POLH: variants seen among roughly 807,000 people sequenced by gnomAD.
The protein encoded by POLH is DNA polymerase eta.
POLH carries 53 observed loss-of-function variants against 73.6 expected under a neutral mutation model. That is an observed-to-expected ratio of 0.72 (90% CI 0.58 to 0.91). The LOEUF is 0.91. Among genes scored for constraint, POLH ranks in the 40% least tolerant of loss-of-function variants. The pLI is 0.00. For missense variants in POLH, 768 were observed against 865.4 expected (o/e 0.89, Z 1.41); for synonymous variants, 292 against 308.5 (o/e 0.95, Z 0.56).
rs1467145715 is a variant in POLH at position 43,617,409 on chromosome 6, T to G, written c.*2852T>G. Among the ~76,000 whole-genome samples the G allele has an allele frequency of 6.6e-6, 1 of 151,190 alleles. No individual in the cohort carries two copies. The highest frequency in any genetic ancestry group is 2.4e-5 in the African/African-American group (1 of 41,014). On this transcript the variant is annotated 3_prime_UTR_variant, in exon 11 of 11. Coordinates refer to ENST00000372236, the MANE Select transcript of POLH (RefSeq NM_006502.3). ...GGGAGGCCAAGGTGGGCGGATCACT[T>G]GAGGCTGGGAGTTTGAGACCAGGCT...
chr6:43,604,150 C>T lies in POLH; in HGVS notation c.884+139C>T. On this transcript the variant is annotated intron_variant, in intron 7 of 10. Transcript: ENST00000372236. ...GAGATTATTTCACTGGTTCTTCTTG[C>T]TTCAATATCTTGGGTCACTATGGCC... The T allele has an allele frequency of 5.2e-6, 4 of 772,338 alleles. No individual in the cohort carries two copies. The South Asian group carries it at 6.2e-5, about 12-fold the overall frequency. 47.8% of individuals were successfully genotyped at this position (772,338 alleles called of 1,614,324 possible). A position where few individuals can be genotyped will look rare whatever the true frequency, so the allele number is the denominator to read the frequency against.
intron 9 of POLH, among the ~76,000 whole-genome samples, chr6:43,609,107 G>C (rs1474578278): frequency 6.6e-6 from 1 of 151,942 alleles, no homozygotes; most frequent in Non-Finnish European, 1.5e-5. Context: ...TCTCCAGGAG[G>C]TCCTCCCTAG....
In POLH at chr6:43,617,455, A is replaced by C. The variant is rs1768422526; in HGVS notation, c.*2898A>C. 6.6e-6 allele frequency among the ~76,000 whole-genome samples: 1 copy of C among 151,350 alleles called. No homozygotes were observed. Among genetic ancestry groups the C allele is most frequent in the Non-Finnish European group, 1.5e-5 (1 of 67,876 alleles). The stretch of plus-strand genomic sequence containing the variant: ...AGGCTGGCCAACATGGGGAAAACCC[A>C]TCTCTACAAAAAATAACAAAAATTA... On this transcript the variant is annotated 3_prime_UTR_variant, in exon 11 of 11. Coordinates refer to ENST00000372236, the MANE Select transcript of POLH (RefSeq NM_006502.3).
intron 5 of POLH, among the ~76,000 whole-genome samples, chr6:43,598,719 AT>A (rs1305280971): frequency 1.3e-5 from 2 of 152,108 alleles, no homozygotes; most frequent in African/African-American, 4.8e-5. Context: ...TATAGGTGTT[AT>A]AAGAAATTAG....
At chr6:43,582,176 T>A (rs1229008189) in intron 1 of POLH, 140 bp from the exon 2 acceptor site, 6 of 805,986 alleles carry the variant, frequency 7.4e-6, no homozygotes, top group Non-Finnish European at 1.3e-5. Flanking sequence ...AACCTGTATA[T>A]TTAAATGCCT....
chr6:43,603,498 G>A (rs1411022927), intron 6 of POLH, among the ~76,000 whole-genome samples: 1 of 151,850 alleles, frequency 6.6e-6, no homozygotes, highest in Non-Finnish European at 1.5e-5. Flanking sequence ...CTGGACTCAA[G>A]CAATCTTCCC....
At chr6:43,587,956 C>G (rs1765009142) in intron 4 of POLH, among the ~76,000 whole-genome samples, 1 of 152,062 alleles carries the variant, frequency 6.6e-6, no homozygotes, top group Non-Finnish European at 1.5e-5. Flanking sequence ...GAACCAGGAC[C>G]CAGGAGGTGG....
chr6:43,604,051 A>C lies in POLH; in HGVS notation c.884+40A>C, dbSNP rs181530870. On this transcript the variant is annotated intron_variant, in intron 7 of 10. Transcript: ENST00000372236. ...TTTTTTAAAATCATAACCTTTATGG[A>C]GATGCTATATTCAAATATAGACAAA... The C allele has an allele frequency of 3.1e-4, 472 of 1,523,992 alleles. No homozygotes were observed. The African/African-American group carries it at 5.4e-3, about 17-fold the overall frequency. 94.4% of individuals were successfully genotyped at this position (1,523,992 alleles called of 1,614,324 possible). A position where few individuals can be genotyped will look rare whatever the true frequency, so the allele number is the denominator to read the frequency against.
chr6:43,613,584 T>C, intron 10 of POLH, 76 bp from the exon 11 acceptor site: 1 of 1,173,706 alleles, frequency 8.5e-7, no homozygotes, highest in East Asian at 2.3e-5. Context: ...ACAGATACAA[T>C]TCATGGAATT....
In POLH at chr6:43,604,624, A is replaced by G. The variant is rs576599152; in HGVS notation, c.894A>G (p.Leu298=). 9.9e-6 allele frequency: 16 copies of G among 1,613,970 alleles called. No homozygotes were observed. Among genetic ancestry groups the G allele is most frequent in the African/African-American group, 1.3e-5 (1 of 74,946 alleles). ...TTGCTGGTCTTATTAGGTCTTGGCT[A>G]TATGCCATGTGCCGAGGGATTGAAC... ...SHFGEKNGSW[L]YAMCRGIEHD... The change falls in exon 8 of 11, where the codon CTA becomes CTG. Residue 298 remains leucine, a synonymous_variant. Coordinates refer to ENST00000372236, the MANE Select transcript of POLH (RefSeq NM_006502.3).
rs559583064 is a variant in POLH, at chr6:43,604,649, C to G, written c.919C>G (p.His307Asp). 6.2e-6 allele frequency: 10 copies of G among 1,614,012 alleles called. No homozygotes were observed. The East Asian group carries it at 2.0e-4, about 32-fold the overall frequency. ...WLYAMCRGIEHDPVKPRQLPK... is the reference protein window; with the variant it reads ...WLYAMCRGIEDDPVKPRQLPK... ...ATATGCCATGTGCCGAGGGATTGAA[C>G]ATGATCCAGTTAAACCCAGGCAACT... Residue 307 changes from histidine (H) to aspartate (D), a missense_variant, in exon 8 of 11, where the codon CAT (histidine) becomes GAT (aspartate). Physicochemically the swap from His to Asp is moderately conservative, Grantham distance 81. Coordinates refer to ENST00000372236, the MANE Select transcript of POLH (RefSeq NM_006502.3).
intron 6 of POLH, among the ~76,000 whole-genome samples, chr6:43,601,410 C>G (rs913108433): frequency 6.6e-6 from 1 of 152,070 alleles, no homozygotes; most frequent in Non-Finnish European, 1.5e-5. Flanking sequence ...GAATTACAGG[C>G]GCCCACCACC....
Position 43,619,077 on chromosome 6 carries a change from T to C in POLH, c.*4520T>C, listed in dbSNP as rs1352708511. On this transcript the variant is annotated 3_prime_UTR_variant, in exon 11 of 11. Coordinates refer to ENST00000372236, the MANE Select transcript of POLH (RefSeq NM_006502.3). ...TCTGCTTTTATGATACTTGAATATC[T>C]AATAAAAGACAATATTTAGCCAGTC... Among the ~76,000 whole-genome samples the C allele has an allele frequency of 6.6e-6, 1 of 152,144 alleles. No homozygotes were observed. The highest frequency in any genetic ancestry group is 1.5e-5 in the Non-Finnish European group (1 of 68,026).
At chr6:43,592,235 T>G (rs1582287427) in intron 4 of POLH, among the ~76,000 whole-genome samples, 2 of 152,292 alleles carry the variant, frequency 1.3e-5, no homozygotes, top group South Asian at 4.1e-4. Context: ...TAAGTGGATA[T>G]AACCTTCCAG....
chr6:43,579,153 CAG>C (rs138211006), intron 1 of POLH, among the ~76,000 whole-genome samples: 5,462 of 152,314 alleles, frequency 0.036, 344 homozygotes, highest in African/African-American at 0.12. Context: ...CCTCAGAAAA[CAG>C]AATCTCTCTC....
intron 9 of POLH, among the ~76,000 whole-genome samples, chr6:43,609,397 T>G (rs1001525096): frequency 1.3e-5 from 2 of 152,230 alleles, no homozygotes; most frequent in Non-Finnish European, 2.9e-5. Context: ...CATACAAATG[T>G]ATTTTTTATC....
chr6:43,597,382 T>G (rs932066792), intron 4 of POLH, among the ~76,000 whole-genome samples: 3 of 152,236 alleles, frequency 2.0e-5, no homozygotes, highest in African/African-American at 7.2e-5. Context: ...CCCAAAATGC[T>G]GGGATTACAG....
rs3830213 is a variant in POLH at position 43,604,183 on chromosome 6, CTAGAG to C, written c.884+176_884+180del. Among the ~76,000 whole-genome samples the C allele has an allele frequency of 1.6e-3, 242 of 152,272 alleles. 3 individuals are homozygous for C. The highest frequency in any genetic ancestry group is 0.014 in the East Asian group (72 of 5,184). On this transcript the variant is annotated intron_variant, in intron 7 of 10. Transcript: ENST00000372236. ...TCTTGGGTCACTATGGCCCATCAGT[CTAGAG>C]TAGTTTTTTCCATGTACCTAGGTGG...
chr6:43,608,738 C>G (rs1767568546), intron 9 of POLH, among the ~76,000 whole-genome samples: 1 of 152,204 alleles, frequency 6.6e-6, no homozygotes, highest in Non-Finnish European at 1.5e-5. Flanking sequence ...GAAAATCTAT[C>G]TTTTAAGCTT....
Sources: allele counts gnomAD v4.1 joint callset (sites outside exome capture counted in the v4.1 genomes callset), GRCh38; gene constraint gnomAD v4.1.1; transcripts MANE v1.5; gene names NCBI Gene and HGNC (gene_info 2026-07-23, HGNC 2026-07-21).